The following BAZ2B variants were observed in gnomAD, a reference collection of about 807,000 sequenced individuals.
The protein encoded by BAZ2B is bromodomain adjacent to zinc finger domain 2B.
Under a neutral mutation model 246.0 loss-of-function variants are expected in BAZ2B, and 91 were observed. That is an observed-to-expected ratio of 0.37 (90% CI 0.31 to 0.44). The LOEUF is 0.44. BAZ2B is among the 20% of genes least tolerant of loss of function. The pLI, the probability that BAZ2B is intolerant of heterozygous loss-of-function variation, is 1.00. For missense variants in BAZ2B, 2,332 were observed against 2,533.7 expected (o/e 0.92, Z 1.71); for synonymous variants, 855 against 860.0 (o/e 0.99, Z 0.10).
At chr2:159,550,643 G>C (rs374905898) in intron 2 of BAZ2B, among the ~76,000 whole-genome samples, 44 of 152,164 alleles carry the variant, frequency 2.9e-4, no homozygotes, top group African/African-American at 1.0e-3. Flanking sequence ...GCCATACTTG[G>C]TTATATCTTC....
chr2:159,654,871 C>A, the BAZ2B span, among the ~76,000 whole-genome samples: 1 of 152,070 alleles, frequency 6.6e-6, no homozygotes, highest in East Asian at 1.9e-4. Flanking sequence ...GCAGGAGAAT[C>A]GCTTGAGCCT....
intron 32 of BAZ2B, 149 bp downstream of exon 32, chr2:159,337,418 G>C: frequency 6.6e-7 from 1 of 1,507,908 alleles, no homozygotes; most frequent in Non-Finnish European, 8.9e-7. Context: ...GCTCCAATTA[G>C]CAAAGAAGCA....
At chr2:159,667,860 T>C in the BAZ2B span, among the ~76,000 whole-genome samples, 405 of 152,180 alleles carry the variant, frequency 2.7e-3, 2 homozygotes, top group African/African-American at 9.2e-3. Flanking sequence ...CATTGTCTAT[T>C]ATTGCTTGTT....
At chr2:159,505,302 A>G (rs1335981611) in intron 2 of BAZ2B, among the ~76,000 whole-genome samples, 1 of 152,194 alleles carries the variant, frequency 6.6e-6, no homozygotes, top group African/African-American at 2.4e-5. Flanking sequence ...CCTTTAATGT[A>G]ATGATTCACA....
chr2:159,571,877 T>A (rs1684101080), intron 1 of BAZ2B, among the ~76,000 whole-genome samples: 1 of 152,150 alleles, frequency 6.6e-6, no homozygotes, highest in Admixed American at 6.5e-5. Flanking sequence ...CAAACCCACT[T>A]CCCAGGTAAG....
intron 31 of BAZ2B, among the ~76,000 whole-genome samples, chr2:159,338,939 T>C (rs2066134426): frequency 6.6e-6 from 1 of 152,166 alleles, no homozygotes; most frequent in East Asian, 1.9e-4. Context: ...GATCTCCCTA[T>C]TATATGACAA....
At chr2:159,436,238 A>T (rs2072271510) in intron 8 of BAZ2B, among the ~76,000 whole-genome samples, 1 of 152,298 alleles carries the variant, frequency 6.6e-6, no homozygotes, top group Admixed American at 6.5e-5. Context: ...ATTGTATTTT[A>T]ATTTTCTGCA....
intron 13 of BAZ2B, among the ~76,000 whole-genome samples, chr2:159,414,545 G>A (rs7564537): frequency 0.021 from 3,247 of 152,076 alleles, 118 homozygotes; most frequent in African/African-American, 0.07. Context: ...GGCCGGGCGC[G>A]GTGGCCCACG....
the BAZ2B span, among the ~76,000 whole-genome samples, chr2:159,671,902 T>G: frequency 1.3e-5 from 2 of 152,200 alleles, no homozygotes; most frequent in African/African-American, 4.8e-5. Context: ...AGAATAGTTC[T>G]CTTGGGAGCC....
At position 159,403,015 on chromosome 2, in the gene BAZ2B, C is replaced by T. The variant is rs9287788; in HGVS notation, c.2832+1834G>A. 6.0e-3 allele frequency among the ~76,000 whole-genome samples: 909 copies of T among 152,192 alleles called. 8 individuals carry two copies. Among genetic ancestry groups the T allele is most frequent in the African/African-American group, 0.021 (876 of 41,518 alleles). On this transcript the variant is annotated intron_variant, in intron 16 of 36. Coordinates refer to ENST00000392783, the MANE Select transcript of BAZ2B (RefSeq NM_013450.4). ...CAATACTTAGTAAATATAGAGTCCT[C>T]GTCAGATCCCAATGCCTGTGTGCCT...
chr2:159,481,035 A>T (rs886556607), intron 2 of BAZ2B, among the ~76,000 whole-genome samples: 2 of 150,672 alleles, frequency 1.3e-5, no homozygotes, highest in Admixed American at 6.6e-5. Flanking sequence ...AATTGGGTCA[A>T]CTACTGCAAG....
the BAZ2B span, among the ~76,000 whole-genome samples, chr2:159,653,238 C>T: frequency 6.6e-6 from 1 of 152,216 alleles, no homozygotes; most frequent in South Asian, 2.1e-4. Flanking sequence ...CCACACCTGG[C>T]ACCAAGTGTC....
chr2:159,655,486 C>T, the BAZ2B span, among the ~76,000 whole-genome samples: 1 of 152,112 alleles, frequency 6.6e-6, no homozygotes, highest in Admixed American at 6.5e-5. Flanking sequence ...GATAATGTTT[C>T]CAGGTGTGGT....
At chr2:159,597,619 T>C (rs4635484) in intron 1 of BAZ2B, among the ~76,000 whole-genome samples, 84,077 of 152,008 alleles carry the variant, frequency 0.55, 24,028 homozygotes, top group East Asian at 0.75. Context: ...CTTCGCCTTC[T>C]AGGTTCAAGC....
intron 1 of BAZ2B, among the ~76,000 whole-genome samples, chr2:159,613,549 T>C (rs1578965986): frequency 6.6e-6 from 1 of 152,268 alleles, no homozygotes; most frequent in South Asian, 2.1e-4. Flanking sequence ...TAAAAATTAC[T>C]TTTTTCTATC....
At chr2:159,558,149 G>A (rs2089427153) in intron 1 of BAZ2B, among the ~76,000 whole-genome samples, 1 of 152,180 alleles carries the variant, frequency 6.6e-6, no homozygotes, top group Non-Finnish European at 1.5e-5. Flanking sequence ...AAAGAAATCT[G>A]AAGTGGCAGG....
rs540609561 is a variant in BAZ2B at position 159,390,462 on chromosome 2, C to T, written c.3076-977G>A. Among the ~76,000 whole-genome samples the T allele has an allele frequency of 6.6e-4, 101 of 152,226 alleles. 1 individual carries two copies. The highest frequency in any genetic ancestry group is 1.2e-3 in the Non-Finnish European group (81 of 68,002). The stretch of plus-strand genomic sequence containing the variant: ...ATATTTAAATCCTAATTAAACACTA[C>T]CAATTTCTATTATGTTTCATAGCTC... On this transcript the variant is annotated intron_variant, in intron 20 of 36. Coordinates refer to ENST00000392783, the MANE Select transcript of BAZ2B (RefSeq NM_013450.4).
the BAZ2B span, among the ~76,000 whole-genome samples, chr2:159,669,289 T>C: frequency 1.3e-5 from 2 of 152,190 alleles, no homozygotes; most frequent in Non-Finnish European, 2.9e-5. Flanking sequence ...TTTAATTCTG[T>C]TGTGGTAAGA....
chr2:159,385,003 G>T, intron 23 of BAZ2B, 152 bp downstream of exon 23: 2 of 743,920 alleles, frequency 2.7e-6, no homozygotes, highest in Non-Finnish European at 2.1e-6. Flanking sequence ...TATTATTAGT[G>T]GCCATCTCTA....
Sources: gnomAD v4.1 joint callset for allele counts (sites outside exome capture counted in the v4.1 genomes callset) on GRCh38, gnomAD v4.1.1 for gene constraint, MANE v1.5 for transcripts, NCBI Gene and HGNC (gene_info 2026-07-23, HGNC 2026-07-21) for gene names.